ZDHHC14: variants seen among roughly 807,000 people sequenced by gnomAD.
ZDHHC14 encodes the protein zDHHC palmitoyltransferase 14.
ZDHHC14 carries 16 observed loss-of-function variants against 47.7 expected under a neutral mutation model. The observed-to-expected ratio is 0.34, with a 90% CI of 0.23 to 0.51. The LOEUF (loss-of-function observed/expected upper bound fraction) is 0.51, where lower values mean the gene tolerates loss of function less well. Ranked by LOEUF, ZDHHC14 falls within the 20% of genes least tolerant of loss-of-function variation. The probability of loss-of-function intolerance (pLI) is 0.97; values close to 1 mark genes in which losing one functional copy is unlikely to be tolerated. For synonymous variants in ZDHHC14, 293 were observed against 278.9 expected (o/e 1.05, Z -0.50); for missense variants, 515 against 662.5 (o/e 0.78, Z 2.44).
chr6:157,662,373 G>A (rs1195869499), intron 8 of ZDHHC14, among the ~76,000 whole-genome samples: 1 of 152,132 alleles, frequency 6.6e-6, no homozygotes, highest in Non-Finnish European at 1.5e-5. Flanking sequence ...GTACAGACAG[G>A]GTTTCACCAT....
At chr6:157,565,112 T>C (rs1782852486) in intron 2 of ZDHHC14, among the ~76,000 whole-genome samples, 1 of 151,928 alleles carries the variant, frequency 6.6e-6, no homozygotes, top group Non-Finnish European at 1.5e-5. Flanking sequence ...CCAGGTGTGG[T>C]GGCATGCACC....
rs2281658 is a variant in ZDHHC14 at position 157,673,270 on chromosome 6, G to A, written c.*148G>A. 28,489 of 1,073,054 alleles carry A rather than the reference G, an allele frequency of 0.027. 639 individuals carry two copies. Among genetic ancestry groups the A allele is most frequent in the East Asian group, 0.11 (3,706 of 32,930 alleles). The allele number at this position is 1,073,054 out of a possible 1,614,324, so 66.5% of individuals were successfully genotyped here. On this transcript the variant is annotated 3_prime_UTR_variant, in exon 9 of 9. Coordinates refer to ENST00000359775, the MANE Select transcript of ZDHHC14 (RefSeq NM_024630.3). The surrounding 1 kb of genome is among the most constrained non-coding windows in gnomAD (Gnocchi z 5.4). ...CTGGGGTACAGAGACCACTTAGGAT[G>A]GCACAGGGTGGCTGGCCCCGGATGC...
chr6:157,567,145 C>G (rs1003289403), intron 2 of ZDHHC14, among the ~76,000 whole-genome samples: 1 of 152,106 alleles, frequency 6.6e-6, no homozygotes, highest in Non-Finnish European at 1.5e-5. Context: ...ACCCAGCATG[C>G]CTGGCCTAAC....
chr6:157,497,183 T>C (rs1221448505), intron 1 of ZDHHC14, among the ~76,000 whole-genome samples: 2 of 152,206 alleles, frequency 1.3e-5, no homozygotes, highest in Admixed American at 6.5e-5. Flanking sequence ...TTTTGGACAG[T>C]GACTATGGTG....
At chr6:157,646,151 A>G (rs1777544286) in intron 6 of ZDHHC14, 1 of 252,234 alleles carries the variant, frequency 4.0e-6, no homozygotes, top group African/African-American at 2.2e-5. Flanking sequence ...GCTTCTTATC[A>G]CACTTCCCCT....
intron 8 of ZDHHC14, among the ~76,000 whole-genome samples, chr6:157,669,495 T>A (rs1778699175): frequency 6.6e-6 from 1 of 152,204 alleles, no homozygotes; most frequent in Admixed American, 6.5e-5. Context: ...AGGCTCCTAC[T>A]GTGTGACCTT....
At chr6:157,387,206 C>T (rs1396389463) in intron 1 of ZDHHC14, among the ~76,000 whole-genome samples, 6 of 151,460 alleles carry the variant, frequency 4.0e-5, no homozygotes, top group Non-Finnish European at 7.4e-5. Context: ...TTCCCTTCTT[C>T]TTTTTACATT....
chr6:157,499,005 T>A (rs939293432), intron 1 of ZDHHC14, among the ~76,000 whole-genome samples: 10 of 152,152 alleles, frequency 6.6e-5, no homozygotes, highest in South Asian at 2.1e-4. Flanking sequence ...TGTTTGACAC[T>A]ACTTTTGTTT....
rs763375227 is a variant in ZDHHC14, at chr6:157,628,332, T to TC, written c.566-16dup. 3.4e-5 allele frequency: 54 copies of TC among 1,574,520 alleles called. No individual in the cohort carries two copies. The highest frequency in any genetic ancestry group is 4.5e-5 in the Non-Finnish European group (53 of 1,170,942). On this transcript the variant is annotated splice_polypyrimidine_tract_variant and intron_variant, in intron 3 of 8. Coordinates refer to ENST00000359775, the MANE Select transcript of ZDHHC14 (RefSeq NM_024630.3). The stretch of plus-strand genomic sequence containing the variant: ...AATTGATTTCCACTTTTTTTTTTTT[T>TC]CTGCCTCTCATTTCAGAACGGTTTG...
chr6:157,671,500 G>A (rs1052676109), intron 8 of ZDHHC14, among the ~76,000 whole-genome samples: 7 of 152,308 alleles, frequency 4.6e-5, no homozygotes, highest in East Asian at 1.9e-4. Context: ...AGAAGGTACC[G>A]CACAGGCTCA....
intron 5 of ZDHHC14, 26 bp from the exon 6 acceptor site, chr6:157,645,711 C>G (rs749468310): frequency 2.5e-6 from 4 of 1,603,346 alleles, no homozygotes; most frequent in Non-Finnish European, 3.4e-6. Context: ...TCCCTCACTT[C>G]CGCTTGCCTC....
intron 8 of ZDHHC14, among the ~76,000 whole-genome samples, chr6:157,661,416 C>T (rs1242736265): frequency 6.6e-6 from 1 of 152,182 alleles, no homozygotes; most frequent in Admixed American, 6.5e-5. Context: ...TTGAAATCAG[C>T]ATTCATTATA....
At chr6:157,528,502 C>A (rs1027613072) in intron 1 of ZDHHC14, among the ~76,000 whole-genome samples, 1 of 151,586 alleles carries the variant, frequency 6.6e-6, no homozygotes, top group African/African-American at 2.4e-5. Flanking sequence ...GAGGCTGAGG[C>A]GGGCAGATCA....
chr6:157,517,077 G>A (rs999588255), intron 1 of ZDHHC14, among the ~76,000 whole-genome samples: 2 of 152,110 alleles, frequency 1.3e-5, no homozygotes, highest in Non-Finnish European at 2.9e-5. Context: ...AGACATCTCC[G>A]AGCACTTTCA....
chr6:157,554,918 T>C (rs908965450), intron 2 of ZDHHC14, among the ~76,000 whole-genome samples: 1 of 152,216 alleles, frequency 6.6e-6, no homozygotes, highest in African/African-American at 2.4e-5. Flanking sequence ...GTGCTCTATA[T>C]AAGTCCCCAC....
intron 5 of ZDHHC14, 56 bp from the exon 6 acceptor site, chr6:157,645,681 C>A: frequency 1.4e-6 from 2 of 1,449,538 alleles, no homozygotes; most frequent in Non-Finnish European, 1.9e-6. Context: ...AGGCCTCCAT[C>A]ACATCCACTT....
intron 1 of ZDHHC14, among the ~76,000 whole-genome samples, chr6:157,408,392 T>G: frequency 6.6e-6 from 1 of 152,112 alleles, no homozygotes; most frequent in Non-Finnish European, 1.5e-5. Flanking sequence ...GCTGGACAGA[T>G]CAACCCATCA....
intron 1 of ZDHHC14, among the ~76,000 whole-genome samples, chr6:157,398,070 C>T (rs1777558854): frequency 6.7e-6 from 1 of 149,248 alleles, no homozygotes; most frequent in Admixed American, 6.7e-5. Flanking sequence ...AGCTCCCCAG[C>T]TCCCCAGCTC....
chr6:157,615,518 T>C (rs1379702097), intron 3 of ZDHHC14, among the ~76,000 whole-genome samples: 1 of 152,224 alleles, frequency 6.6e-6, no homozygotes, highest in African/African-American at 2.4e-5. Flanking sequence ...TTGAAAAGTT[T>C]TATTTAGCTA....
Sources: gnomAD v4.1 joint callset for allele counts (sites outside exome capture counted in the v4.1 genomes callset) on GRCh38, gnomAD v4.1.1 for gene constraint, Gnocchi (gnomAD v3.1) non-coding constraint, MANE v1.5 for transcripts, NCBI Gene and HGNC (gene_info 2026-07-23, HGNC 2026-07-21) for gene names.